PALB2: variants seen among roughly 807,000 people sequenced by gnomAD.
The protein encoded by PALB2 is mutant partner and localizer of BRCA2.
In PALB2, 82 loss-of-function variants were observed where a neutral mutation model predicts 107.4. The observed-to-expected ratio is 0.76, with a 90% CI of 0.64 to 0.92. The LOEUF (loss-of-function observed/expected upper bound fraction) is 0.92, where lower values mean the gene tolerates loss of function less well. PALB2 is among the 40% of genes least tolerant of loss of function. PALB2 has a pLI of 0.00. For synonymous variants in PALB2, 489 were observed against 496.8 expected (o/e 0.98, Z 0.21); for missense variants, 1,374 against 1,379.9 (o/e 1.00, Z 0.07).
chr16:23,603,721 TAA>T (rs35294437), intron 12 of PALB2, 52 bp from the exon 13 acceptor site: 3,861 of 1,207,584 alleles, frequency 3.2e-3, no homozygotes, highest in East Asian at 7.1e-3. Context: ...AAAAAACAAT[TAA>T]AAAAAAAAAA....
chr16:23,632,071 C>T (rs915126124), intron 4 of PALB2, among the ~76,000 whole-genome samples: 1 of 152,176 alleles, frequency 6.6e-6, no homozygotes, highest in African/African-American at 2.4e-5. Flanking sequence ...GTGGTATATA[C>T]ATACAATGGA....
chr16:23,626,253 T>G lies in PALB2; in HGVS notation c.2731A>C (p.Thr911Pro), dbSNP rs2142353274. The G allele has an allele frequency of 6.2e-7, 1 of 1,614,116 alleles. No individual in the cohort carries two copies. The highest frequency in any genetic ancestry group is 8.5e-7 in the Non-Finnish European group (1 of 1,180,014). The change falls in exon 7 of 13, where the codon ACC (threonine) becomes CCC (proline). Residue 911 changes from threonine to proline, a missense_variant. By Grantham distance (38) the Thr-to-Pro change is conservative. Transcript: ENST00000261584. ...CCACTTACCTCTGCGAAGTGCCAGG[T>G]ATAAAGTTTTTCCCACTGCCAAGCA... is the stretch of plus-strand genomic sequence containing the variant. ...LDAWQWEKLY[T>P]WHFAEVPVLQ...
chr16:23,625,875 G>C (rs1383434685), intron 7 of PALB2, among the ~76,000 whole-genome samples: 1 of 151,988 alleles, frequency 6.6e-6, no homozygotes, highest in Non-Finnish European at 1.5e-5. Flanking sequence ...CAGCTACTTG[G>C]GAGGGTGAGG....
chr16:23,641,272 A>C lies in PALB2; in HGVS notation c.-115T>G. The stretch of plus-strand genomic sequence containing the variant: ...CCCAGGAAGGAATGGGGAGCCCGGG[A>C]TCGCACCCTCAGTGCGCGATCAGCT... On this transcript the variant is annotated 5_prime_UTR_variant, in exon 1 of 13. Transcript: ENST00000261584. The C allele has an allele frequency of 7.3e-7, 1 of 1,373,036 alleles. No individual in the cohort carries two copies. The highest frequency in any genetic ancestry group is 1.0e-6 in the Non-Finnish European group (1 of 990,684). 85.1% of individuals were successfully genotyped at this position (1,373,036 alleles called of 1,614,324 possible).
intron 11 of PALB2, 125 bp downstream of exon 11, chr16:23,613,879 T>C (rs1744184395): frequency 2.8e-6 from 2 of 722,236 alleles, no homozygotes; most frequent in Non-Finnish European, 4.9e-6. Flanking sequence ...AGGACAAACA[T>C]TGCTATCCAA....
intron 6 of PALB2, among the ~76,000 whole-genome samples, chr16:23,628,563 T>C (rs1162165113): frequency 6.6e-6 from 1 of 152,212 alleles, no homozygotes; most frequent in East Asian, 1.9e-4. Context: ...TAAGTGATTC[T>C]TCCAGAAACA....
rs1310569612 is a variant in PALB2, at chr16:23,635,754, G to A, written c.792C>T (p.His264=). ...SDSGSSQHLE[H]IPPKGSSELT... is the part of the protein sequence containing the mutation. ...GTTCACTGCTACCTTTAGGAGGAAT[G>A]TGTTCAAGGTGCTGACTACTACCGC... The change falls in exon 4 of 13, where the codon CAC becomes CAT. Residue 264 remains histidine, a synonymous_variant. Coordinates refer to ENST00000261584, the MANE Select transcript of PALB2 (RefSeq NM_024675.4). The A allele has an allele frequency of 6.2e-7, 1 of 1,614,122 alleles. No homozygotes were observed. The highest frequency in any genetic ancestry group is 8.5e-7 in the Non-Finnish European group (1 of 1,179,982).
intron 11 of PALB2, among the ~76,000 whole-genome samples, chr16:23,613,048 TTA>T (rs1177108322): frequency 1.3e-5 from 2 of 151,912 alleles, no homozygotes; most frequent in African/African-American, 4.8e-5. Flanking sequence ...ACAAAATATT[TTA>T]TATATTTATG....
Position 23,603,352 on chromosome 16 carries a change from G to C in PALB2, c.*107C>G. The stretch of plus-strand genomic sequence containing the variant: ...AATAAGTCTGTCTGGACATAAACAA[G>C]CAATCATTTTAAGTGTCATTCAGAT... On this transcript the variant is annotated 3_prime_UTR_variant, in exon 13 of 13. Coordinates refer to ENST00000261584, the MANE Select transcript of PALB2 (RefSeq NM_024675.4). 1 of 902,898 alleles carries C rather than the reference G, an allele frequency of 1.1e-6. No individual in the cohort carries two copies. The allele number at this position is 902,898 out of a possible 1,614,324, so 55.9% of individuals were successfully genotyped here.
In PALB2 at chr16:23,603,576, A is replaced by T. The variant is rs778512231; in HGVS notation, c.3444T>A (p.Thr1148=). ...AIWDLLLGQC[T]ALLPPVSDQH... is the part of the protein sequence containing the mutation. ...GGTCAGAGACAGGTGGGAGGAGGGC[A>T]GTACACTGACCGAGAAGTAAGTCCC... Residue 1148 remains threonine (T), a synonymous_variant, in exon 13 of 13, where the codon ACT becomes ACA. Coordinates refer to ENST00000261584, the MANE Select transcript of PALB2 (RefSeq NM_024675.4). 1 of 1,614,202 alleles carries T rather than the reference A, an allele frequency of 6.2e-7. No individual in the cohort carries two copies. The highest frequency in any genetic ancestry group is 1.1e-5 in the South Asian group (1 of 91,086).
intron 10 of PALB2, among the ~76,000 whole-genome samples, chr16:23,615,634 G>A (rs1433292217): frequency 2.6e-5 from 4 of 151,870 alleles, no homozygotes; most frequent in African/African-American, 9.7e-5. Flanking sequence ...AAAACTTTCA[G>A]TTGGCTCCCA....
At chr16:23,611,380 A>T (rs895829937) in intron 11 of PALB2, among the ~76,000 whole-genome samples, 4 of 152,094 alleles carry the variant, frequency 2.6e-5, no homozygotes, top group Admixed American at 6.6e-5. Flanking sequence ...TCCTGACCTC[A>T]GGTGATCCAC....
intron 12 of PALB2, among the ~76,000 whole-genome samples, chr16:23,607,002 T>C (rs763334264): frequency 2.7e-5 from 4 of 149,706 alleles, no homozygotes; most frequent in Non-Finnish European, 4.4e-5. Context: ...TTAGTAGAGA[T>C]GGGGTTTCAC....
rs1057522230 is a variant in PALB2 at position 23,630,165 on chromosome 16, G to A, written c.1989C>T (p.Arg663=). 1 of 1,614,130 alleles carries A rather than the reference G, an allele frequency of 6.2e-7. No homozygotes were observed. Among genetic ancestry groups the A allele is most frequent in the Non-Finnish European group, 8.5e-7 (1 of 1,180,032 alleles). The change falls in exon 5 of 13, where the codon CGC becomes CGT. Residue 663 remains arginine (R), a synonymous_variant. Coordinates refer to ENST00000261584, the MANE Select transcript of PALB2 (RefSeq NM_024675.4). The part of the protein sequence containing the change: ...CIFPEELSPK[R]MDTEMEDLEE... The stretch of plus-strand genomic sequence containing the variant: ...CTAAGTCCTCCATTTCTGTATCCAT[G>A]CGTTTAGGACTCAGTTCCTCTGGAA...
At chr16:23,628,591 G>C (rs1966851647) in intron 6 of PALB2, among the ~76,000 whole-genome samples, 1 of 152,150 alleles carries the variant, frequency 6.6e-6, no homozygotes, top group African/African-American at 2.4e-5. Context: ...ATTTGAGTAG[G>C]AGAGGCATGA....
In PALB2 at chr16:23,631,833, A is replaced by G. The variant is rs562835312; in HGVS notation, c.1685-1364T>C. Among the ~76,000 whole-genome samples, 7 of 152,270 alleles carry G rather than the reference A, an allele frequency of 4.6e-5. No individual in the cohort carries two copies. The South Asian group carries it at 6.2e-4, about 14-fold the overall frequency. On this transcript the variant is annotated intron_variant, in intron 4 of 12. Coordinates refer to ENST00000261584, the MANE Select transcript of PALB2 (RefSeq NM_024675.4). ...TTAGTCCCCTTTTGAAGCAAAGAGT[A>G]ATTTACTGCTTTTTGTTTGCTTGTT...
intron 4 of PALB2, 43 bp from the exon 5 acceptor site, chr16:23,630,512 C>A: frequency 2.1e-6 from 3 of 1,432,534 alleles, no homozygotes; most frequent in East Asian, 2.4e-5. Context: ...CAAAACCCAA[C>A]AAAACAGACA....
At chr16:23,617,536 A>G (rs1004607461) in intron 10 of PALB2, 2 of 151,548 alleles carry the variant, frequency 1.3e-5, no homozygotes, top group African/African-American at 2.4e-5. Context: ...TCTAGGCAAC[A>G]TGGGAAGACC....
intron 7 of PALB2, 34 bp from the exon 8 acceptor site, chr16:23,624,128 G>A (rs1010357807): frequency 6.8e-7 from 1 of 1,465,754 alleles, no homozygotes; most frequent in Non-Finnish European, 9.5e-7. Context: ...AATTATGCTT[G>A]GTTGTTTCAT....
Sources: allele counts gnomAD v4.1 joint callset (sites outside exome capture counted in the v4.1 genomes callset), GRCh38; gene constraint gnomAD v4.1.1; transcripts MANE v1.5; gene names NCBI Gene and HGNC (gene_info 2026-07-23, HGNC 2026-07-21).